Variants in COL25A1 observed in about 807,000 individuals in gnomAD.
The protein encoded by COL25A1 is collagen type XXV alpha 1 chain.
Under a neutral mutation model 128.4 loss-of-function variants are expected in COL25A1, and 103 were observed. The observed-to-expected ratio is 0.80, with a 90% confidence interval of 0.68 to 0.94. The LOEUF (loss-of-function observed/expected upper bound fraction) is 0.94. Among genes scored for constraint, COL25A1 ranks in the 40% least tolerant of loss-of-function variants. The pLI is 0.00. For synonymous variants in COL25A1, 279 were observed against 277.2 expected, an observed-to-expected ratio of 1.01 and a Z score of -0.06; for missense variants, 745 against 840.0, an observed-to-expected ratio of 0.89 and a Z score of 1.40.
At chr4:108,833,166 G>T (rs1733370473) in intron 31 of COL25A1, among the ~76,000 whole-genome samples, 1 of 152,120 alleles carries the variant, frequency 6.6e-6, no homozygotes, top group African/African-American at 2.4e-5. Context: ...TGTTACACAA[G>T]TAGAAGAAAA....
intron 6 of COL25A1, among the ~76,000 whole-genome samples, chr4:108,990,490 CT>C (rs1754126896): frequency 6.6e-6 from 1 of 151,704 alleles, no homozygotes; most frequent in Non-Finnish European, 1.5e-5. Flanking sequence ...GGGTCTTATG[CT>C]ATAACCATAT....
chr4:108,989,523 T>C (rs938201218), intron 6 of COL25A1, among the ~76,000 whole-genome samples: 13 of 152,338 alleles, frequency 8.5e-5, no homozygotes, highest in African/African-American at 3.1e-4. Context: ...TTCTGCGTAT[T>C]TTTTATTAAA....
At chr4:109,241,851 T>C (rs2126231979) in intron 3 of COL25A1, among the ~76,000 whole-genome samples, 1 of 152,240 alleles carries the variant, frequency 6.6e-6, no homozygotes, top group African/African-American at 2.4e-5. Context: ...ACTACCTCCA[T>C]GACTTTAATT....
At chr4:108,875,900 A>G (rs1039070655) in intron 19 of COL25A1, among the ~76,000 whole-genome samples, 1 of 152,222 alleles carries the variant, frequency 6.6e-6, no homozygotes, top group Non-Finnish European at 1.5e-5. Context: ...GGATGAGTTC[A>G]TGTCCTTTGC....
At chr4:109,118,098 A>C (rs945337287) in intron 3 of COL25A1, among the ~76,000 whole-genome samples, 4 of 151,762 alleles carry the variant, frequency 2.6e-5, no homozygotes, top group Non-Finnish European at 5.9e-5. Context: ...CAGTGGTCGA[A>C]ATACAGCAAT....
intron 13 of COL25A1, among the ~76,000 whole-genome samples, chr4:108,912,935 ATCAC>A (rs1744406187): frequency 1.3e-5 from 2 of 152,184 alleles, no homozygotes; most frequent in Admixed American, 1.3e-4. Flanking sequence ...TTACTTAAAA[ATCAC>A]TTAGCTATTT....
intron 2 of COL25A1, 107 bp from the exon 3 acceptor site, chr4:109,300,759 A>C: frequency 1.4e-6 from 1 of 734,406 alleles, no homozygotes; most frequent in Non-Finnish European, 2.4e-6. Flanking sequence ...CATAACCTGC[A>C]TAACTAACAT....
chr4:108,942,327 C>T (rs1292953601), intron 8 of COL25A1: 2 of 1,471,192 alleles, frequency 1.4e-6, no homozygotes, highest in South Asian at 1.2e-5. Context: ...AGACATTTCA[C>T]TAGGGGACAA....
chr4:108,907,574 A>T (rs1743683129), intron 13 of COL25A1, among the ~76,000 whole-genome samples: 1 of 152,212 alleles, frequency 6.6e-6, no homozygotes, highest in African/African-American at 2.4e-5. Context: ...GAAATATTTT[A>T]GTGAAAGGAG....
At chr4:109,124,450 C>T (rs963263975) in intron 3 of COL25A1, among the ~76,000 whole-genome samples, 9 of 151,968 alleles carry the variant, frequency 5.9e-5, no homozygotes, top group Admixed American at 1.3e-4. Flanking sequence ...CCTCTCCTTA[C>T]TAATACACAA....
chr4:108,832,581 A>G, intron 31 of COL25A1, 148 bp from the exon 32 acceptor site: 1 of 571,588 alleles, frequency 1.7e-6, no homozygotes, highest in South Asian at 2.7e-5. Context: ...TGATTATTTC[A>G]GGCCAGCGGT....
At chr4:108,969,124 C>G (rs889826072) in intron 8 of COL25A1, among the ~76,000 whole-genome samples, 5 of 152,102 alleles carry the variant, frequency 3.3e-5, no homozygotes, top group Non-Finnish European at 5.9e-5. Context: ...CAGTGTCAGC[C>G]CTGATTTCCC....
intron 3 of COL25A1, among the ~76,000 whole-genome samples, chr4:109,232,243 A>G (rs1779208060): frequency 1.3e-5 from 2 of 152,160 alleles, no homozygotes; most frequent in South Asian, 4.1e-4. Context: ...TTTCCCTCTA[A>G]GTCTTTGGCA....
At chr4:109,080,615 T>C (rs1369927412) in intron 3 of COL25A1, among the ~76,000 whole-genome samples, 1 of 152,190 alleles carries the variant, frequency 6.6e-6, no homozygotes, top group Non-Finnish European at 1.5e-5. Context: ...TGAGCAGTGA[T>C]ATTTTTTATG....
chr4:108,848,947 T>A, intron 26 of COL25A1, 144 bp from the exon 27 acceptor site: 1 of 625,720 alleles, frequency 1.6e-6, no homozygotes, highest in Non-Finnish European at 2.9e-6. Flanking sequence ...TTATAGCACA[T>A]ATCTAAACTA....
chr4:109,054,590 A>C (rs1761292328), intron 3 of COL25A1, among the ~76,000 whole-genome samples: 1 of 152,334 alleles, frequency 6.6e-6, no homozygotes, highest in Middle Eastern at 3.4e-3. Flanking sequence ...AAAAGCTGAA[A>C]CTTAGAAGTT....
rs778487615 is a variant in COL25A1 at position 108,940,604 on chromosome 4, G to T, written c.607C>A (p.Pro203Thr). The change falls in exon 10 of 38, where the codon CCA (proline) becomes ACA (threonine). Residue 203 changes from proline to threonine, a missense_variant. By Grantham distance (38) the Pro-to-Thr change is conservative (BLOSUM62 -1). Around this residue, in one of 3 missense-constraint regions of COL25A1, gnomAD observed 319 missense variants for 324.9 expected, o/e 0.98. Coordinates refer to ENST00000399132, the MANE Select transcript of COL25A1 (RefSeq NM_198721.4). ...TCCCCAGGTGGCCCTCTTGGGCCTG[G>T]AGGGCCAGGGGGTCCTGGAGGCCCT... is the stretch of plus-strand genomic sequence containing the variant. ...QAGPPGPPGP[P>T]GPRGPPGDTG... is the part of the protein sequence containing the mutation. 1.9e-6 allele frequency: 3 copies of T among 1,611,182 alleles called. No homozygotes were observed.
rs112600974 is a variant in COL25A1 at position 108,965,339 on chromosome 4, C to T, written c.492+9028G>A. Among the ~76,000 whole-genome samples the T allele has an allele frequency of 2.6e-3, 397 of 152,254 alleles. 1 individual carries two copies. Among genetic ancestry groups the T allele is most frequent in the African/African-American group, 8.7e-3 (363 of 41,530 alleles). Reference sequence around the variant, plus strand: ...TGGCTGATGATGTCGAGACCAATAACCACTAAATCTCCTATTTATCAGGAC... The same window carrying T: ...TGGCTGATGATGTCGAGACCAATAATCACTAAATCTCCTATTTATCAGGAC... On this transcript the variant is annotated intron_variant, in intron 8 of 37. Coordinates refer to ENST00000399132, the MANE Select transcript of COL25A1 (RefSeq NM_198721.4).
At chr4:109,192,720 C>T (rs890461607) in intron 3 of COL25A1, among the ~76,000 whole-genome samples, 10 of 151,814 alleles carry the variant, frequency 6.6e-5, no homozygotes, top group African/African-American at 2.4e-4. Context: ...CAGGTGTGGT[C>T]GGGGGCACCT....
Sources: allele counts gnomAD v4.1 joint callset (sites outside exome capture counted in the v4.1 genomes callset), GRCh38; gene constraint gnomAD v4.1.1; regional missense constraint gnomAD v4.1.1; transcripts MANE v1.5; gene names NCBI Gene and HGNC (gene_info 2026-07-23, HGNC 2026-07-21).